NOL4L: variants seen among roughly 807,000 people sequenced by gnomAD.
The protein encoded by NOL4L is nucleolar protein 4-like.
In NOL4L, 7 loss-of-function variants were observed where a neutral mutation model predicts 64.5. The ratio of observed to expected loss-of-function variants is 0.11; its 90% CI spans 0.06 to 0.20. The LOEUF is 0.20. NOL4L is among the 10% of genes least tolerant of loss of function. The probability of loss-of-function intolerance (pLI) is 1.00; values close to 1 mark genes in which losing one functional copy is unlikely to be tolerated. For missense variants in NOL4L, 680 were observed against 967.1 expected, an observed-to-expected ratio of 0.70 and a Z score of 3.94; for synonymous variants, 413 against 401.0, an observed-to-expected ratio of 1.03 and a Z score of -0.36.
intron 4 of NOL4L, among the ~76,000 whole-genome samples, chr20:32,502,163 G>A (rs1020830504): frequency 3.3e-5 from 5 of 152,140 alleles, no homozygotes; most frequent in African/African-American, 1.2e-4. Flanking sequence ...GTATAAGCAG[G>A]TTATTCCAAA....
At chr20:32,571,632 G>A (rs535003264) in intron 1 of NOL4L, among the ~76,000 whole-genome samples, 11 of 152,266 alleles carry the variant, frequency 7.2e-5, no homozygotes, top group Admixed American at 4.6e-4. Context: ...CCATGGCACC[G>A]TTTCCTTCCT....
At chr20:32,530,286 A>G (rs2018295963) in intron 1 of NOL4L, among the ~76,000 whole-genome samples, 1 of 152,236 alleles carries the variant, frequency 6.6e-6, no homozygotes, top group Non-Finnish European at 1.5e-5. Flanking sequence ...TCACGCCTGT[A>G]ATCCCAGCAC....
intron 3 of NOL4L, among the ~76,000 whole-genome samples, chr20:32,517,710 C>T (rs933136424): frequency 3.3e-5 from 5 of 152,178 alleles, no homozygotes; most frequent in African/African-American, 4.8e-5. Flanking sequence ...GCCACCTGGA[C>T]GTTGGCAGCC....
chr20:32,579,937 G>A (rs111928052), intron 1 of NOL4L, among the ~76,000 whole-genome samples: 7 of 152,186 alleles, frequency 4.6e-5, no homozygotes, highest in African/African-American at 1.7e-4. Flanking sequence ...ATGAGCCCTA[G>A]GAAAGCCCAC....
intron 5 of NOL4L, among the ~76,000 whole-genome samples, chr20:32,468,388 C>T (rs1214600918): frequency 1.3e-5 from 2 of 152,138 alleles, no homozygotes; most frequent in Non-Finnish European, 2.9e-5. Flanking sequence ...GCACCTCCTC[C>T]CTTCCCAGCC....
intron 1 of NOL4L, among the ~76,000 whole-genome samples, chr20:32,557,992 G>A (rs1363407290): frequency 1.3e-5 from 2 of 152,216 alleles, no homozygotes; most frequent in East Asian, 1.9e-4. Context: ...GGTGGAGGCT[G>A]CAGTGAGCTG....
intron 1 of NOL4L, among the ~76,000 whole-genome samples, chr20:32,549,324 A>G (rs564950739): frequency 6.6e-6 from 1 of 152,354 alleles, no homozygotes; most frequent in East Asian, 1.9e-4. Flanking sequence ...TATTTCTTCA[A>G]TAGAGATATA....
At chr20:32,540,436 A>C (rs2018634004) in intron 1 of NOL4L, among the ~76,000 whole-genome samples, 1 of 152,192 alleles carries the variant, frequency 6.6e-6, no homozygotes, top group Admixed American at 6.5e-5. Flanking sequence ...ACACACAATT[A>C]CACGCAGGCC....
intron 1 of NOL4L, among the ~76,000 whole-genome samples, chr20:32,550,411 C>G (rs1664073746): frequency 6.6e-6 from 1 of 152,128 alleles, no homozygotes; most frequent in African/African-American, 2.4e-5. Flanking sequence ...ATTTGTATAT[C>G]TAAACATATC....
intron 5 of NOL4L, among the ~76,000 whole-genome samples, chr20:32,471,815 C>G (rs1052851309): frequency 2.3e-4 from 35 of 152,132 alleles, no homozygotes; most frequent in Middle Eastern, 3.4e-3. Context: ...GTACCTCCTC[C>G]CTCTCTCTTG....
At chr20:32,511,083 T>G in intron 4 of NOL4L, 3 of 308,092 alleles carry the variant, frequency 9.7e-6, no homozygotes, top group Non-Finnish European at 1.8e-5. Context: ...CCACGTCCCC[T>G]CCTCCCCCTC....
chr20:32,456,061 T>G, intron 6 of NOL4L, 57 bp downstream of exon 6: 1 of 1,442,092 alleles, frequency 6.9e-7, no homozygotes, highest in Non-Finnish European at 9.1e-7. Flanking sequence ...AATTTCATTC[T>G]CGCCTCGCGA....
intron 4 of NOL4L, among the ~76,000 whole-genome samples, chr20:32,487,930 T>TTTTA (rs199702284): frequency 0.05 from 4,763 of 96,214 alleles, 206 homozygotes; most frequent in East Asian, 0.27. Context: ...TGTTTGTTGG[T>TTTTA]TTTATTTTTT....
chr20:32,539,726 T>A (rs1268613728), intron 1 of NOL4L, among the ~76,000 whole-genome samples: 5 of 152,214 alleles, frequency 3.3e-5, no homozygotes, highest in African/African-American at 1.2e-4. Context: ...TCTCAGAGTC[T>A]CAGTCTGCAT....
chr20:32,583,302 C>G (rs1027443997), intron 1 of NOL4L, among the ~76,000 whole-genome samples: 15 of 150,834 alleles, frequency 9.9e-5, no homozygotes, highest in Non-Finnish European at 2.2e-4. Context: ...GCCCCCTCAC[C>G]CCGCGGGCCC....
intron 4 of NOL4L, among the ~76,000 whole-genome samples, chr20:32,495,600 TG>T (rs2016657320): frequency 6.6e-6 from 1 of 152,032 alleles, no homozygotes; most frequent in Admixed American, 6.6e-5. Context: ...TCCATCAAAA[TG>T]TAAAATTTGA....
At chr20:32,508,339 CAA>C (rs1308283275) in intron 4 of NOL4L, among the ~76,000 whole-genome samples, 1 of 152,152 alleles carries the variant, frequency 6.6e-6, no homozygotes, top group African/African-American at 2.4e-5. Flanking sequence ...GCTGAAGAAT[CAA>C]AGACTGCTGG....
intron 4 of NOL4L, among the ~76,000 whole-genome samples, chr20:32,488,733 T>C (rs1030084981): frequency 3.3e-5 from 5 of 149,700 alleles, no homozygotes; most frequent in African/African-American, 1.0e-4. Context: ...TCTTTCTTTC[T>C]TTTCTTTCTT....
chr20:32,457,341 G>A (rs1055223794), intron 5 of NOL4L, among the ~76,000 whole-genome samples: 6 of 152,210 alleles, frequency 3.9e-5, no homozygotes, highest in African/African-American at 1.4e-4. Flanking sequence ...CACCCGCGAG[G>A]GTCCCGGGGA....
Sources: allele counts gnomAD v4.1 joint callset (sites outside exome capture counted in the v4.1 genomes callset), GRCh38; gene constraint gnomAD v4.1.1; transcripts MANE v1.5; gene names NCBI Gene and HGNC (gene_info 2026-07-23, HGNC 2026-07-21).